Variants in TENM1 observed in about 807,000 individuals in gnomAD.
TENM1 encodes the protein teneurin-1.
A neutral mutation model predicts 174.8 loss-of-function variants in TENM1; 35 were observed. The ratio of observed to expected loss-of-function variants is 0.20; its 90% CI spans 0.15 to 0.27. TENM1 has a LOEUF of 0.27. Among genes scored for constraint, TENM1 ranks in the 10% least tolerant of loss-of-function variants. The pLI is 1.00. For synonymous variants in TENM1, 781 were observed against 798.7 expected (o/e 0.98, Z 0.37); for missense variants, 1,633 against 2,130.1 (o/e 0.77, Z 4.59).
At chrX:124,678,999 C>A (rs1452654406) in intron 5 of TENM1, among the ~76,000 whole-genome samples, 1 of 111,255 alleles carries the variant, frequency 9.0e-6, no homozygotes, top group Admixed American at 9.6e-5. Context: ...ACTTTTAAGA[C>A]AAATGTAACT....
chrX:125,177,424 T>C, the TENM1 span, among the ~76,000 whole-genome samples: 1 of 112,414 alleles, frequency 8.9e-6, no homozygotes, highest in Non-Finnish European at 1.9e-5. Context: ...ATCTATACTA[T>C]AGAAAAGACC....
chrX:125,040,441 T>C, the TENM1 span, among the ~76,000 whole-genome samples: 1 of 111,279 alleles, frequency 9.0e-6, no homozygotes, highest in East Asian at 2.8e-4. Flanking sequence ...TGAAACTCTA[T>C]GGAAGTTTGG....
chrX:124,524,323 A>T (rs1021257692), intron 16 of TENM1, among the ~76,000 whole-genome samples: 1 of 112,452 alleles, frequency 8.9e-6, no homozygotes, highest in African/African-American at 3.2e-5. Context: ...AGAATGATGC[A>T]TTATTCATTT....
At chrX:124,618,460 T>C (rs1040342147) in intron 11 of TENM1, among the ~76,000 whole-genome samples, 22 of 112,361 alleles carry the variant, frequency 2.0e-4, no homozygotes, top group Admixed American at 1.2e-3. Flanking sequence ...TACTTGGTTT[T>C]GTAAGCATGA....
At chrX:124,767,456 T>C (rs2054560469) in intron 3 of TENM1, among the ~76,000 whole-genome samples, 1 of 111,475 alleles carries the variant, frequency 9.0e-6, no homozygotes, top group African/African-American at 3.3e-5. Context: ...TGTGAGCAAA[T>C]AGTATTAATA....
chrX:124,704,726 C>A (rs769573315), intron 5 of TENM1, among the ~76,000 whole-genome samples: 1 of 110,614 alleles, frequency 9.0e-6, no homozygotes, highest in African/African-American at 3.3e-5. Flanking sequence ...ATGGGAAAAC[C>A]ATAACAACCT....
chrX:124,419,623 TAAAC>T (rs1332484363), intron 25 of TENM1, among the ~76,000 whole-genome samples: 1 of 112,064 alleles, frequency 8.9e-6, no homozygotes, highest in Non-Finnish European at 1.9e-5. Flanking sequence ...AGTTCCCCAT[TAAAC>T]AAAGTTATCA....
chrX:125,148,456 C>A, the TENM1 span, among the ~76,000 whole-genome samples: 1 of 111,382 alleles, frequency 9.0e-6, no homozygotes, highest in South Asian at 3.8e-4. Flanking sequence ...AAACCCATCC[C>A]CCCTACACCG....
At position 124,865,506 on chromosome X, in the gene TENM1, A is replaced by C. The variant is rs181611878; in HGVS notation, c.535+28790T>G. On this transcript the variant is annotated intron_variant, in intron 3 of 31. Coordinates refer to ENST00000422452, the Ensembl canonical transcript of TENM1. ...AGCCTCATAGTAACCTCAAACCAAA[A>C]ACATACAATGAATACACAAAAAATG... Among the ~76,000 whole-genome samples the C allele has an allele frequency of 3.6e-5, 4 of 112,024 alleles. No homozygotes were observed. The Admixed American group carries it at 3.8e-4, about 11-fold the overall frequency.
At chrX:124,497,392 T>C in intron 19 of TENM1, 127 bp from the exon 23 acceptor site, 1 of 660,142 alleles carries the variant, frequency 1.5e-6, no homozygotes, top group Non-Finnish European at 2.2e-6. Context: ...TAAGAGAACC[T>C]GAGAGTGAAA....
the TENM1 span, among the ~76,000 whole-genome samples, chrX:125,178,519 G>C: frequency 9.1e-5 from 10 of 109,808 alleles, 1 homozygote; most frequent in East Asian, 1.7e-3. Context: ...TGAAATATCT[G>C]ACCATTACTG....
intron 1 of TENM1, among the ~76,000 whole-genome samples, chrX:124,951,391 T>C (rs2058481019): frequency 1.8e-5 from 2 of 110,456 alleles, no homozygotes; most frequent in Admixed American, 1.9e-4. Flanking sequence ...CATCCTTCTG[T>C]GTATACAAAC....
At chrX:124,561,774 C>A in exon 14 of TENM1, 3 of 1,211,177 alleles carry the variant, frequency 2.5e-6, no homozygotes, top group Non-Finnish European at 3.4e-6. Context: ...CATTTTGATC[C>A]AGGGTACATC....
intron 3 of TENM1, among the ~76,000 whole-genome samples, chrX:124,846,185 G>A (rs2056603914): frequency 9.1e-6 from 1 of 110,278 alleles, no homozygotes. Context: ...TTGCTGACCT[G>A]CTTTTCTTTG....
At chrX:124,614,530 A>G (rs1046038917) in intron 11 of TENM1, among the ~76,000 whole-genome samples, 2 of 111,963 alleles carry the variant, frequency 1.8e-5, no homozygotes, top group African/African-American at 6.5e-5. Context: ...ATAGGAGGAG[A>G]GGAGCCAGGG....
At chrX:124,401,656 C>T (rs985034345) in intron 27 of TENM1, among the ~76,000 whole-genome samples, 11 of 111,968 alleles carry the variant, frequency 9.8e-5, no homozygotes, top group Non-Finnish European at 1.7e-4. Flanking sequence ...GAAATAATAA[C>T]GTCAGTGGGG....
At chrX:125,191,846 G>A in the TENM1 span, among the ~76,000 whole-genome samples, 1 of 111,794 alleles carries the variant, frequency 8.9e-6, no homozygotes, top group Admixed American at 9.5e-5. Context: ...ACCGTATTAA[G>A]AGGCAGGACC....
At chrX:124,809,941 C>G (rs1448294655) in intron 3 of TENM1, among the ~76,000 whole-genome samples, 4 of 109,298 alleles carry the variant, frequency 3.7e-5, no homozygotes, top group Admixed American at 2.9e-4. Context: ...ATCACAAGAA[C>G]AGCAAAGGAG....
the TENM1 span, among the ~76,000 whole-genome samples, chrX:125,060,999 T>C: frequency 1.2e-5 from 1 of 82,929 alleles, no homozygotes; most frequent in Non-Finnish European, 2.1e-5. Flanking sequence ...TTCTTGGAGA[T>C]TTTATATATA....
Sources: allele counts gnomAD v4.1 joint callset (sites outside exome capture counted in the v4.1 genomes callset), GRCh38; gene constraint gnomAD v4.1.1; transcripts MANE v1.5; gene names NCBI Gene and HGNC (gene_info 2026-07-23, HGNC 2026-07-21).